SENP1: variants seen among roughly 807,000 people sequenced by gnomAD.
The protein encoded by SENP1 is SUMO specific peptidase 1, also known as sentrin-specific protease 1.
A neutral mutation model predicts 93.0 loss-of-function variants in SENP1; 21 were observed. That is an observed-to-expected ratio of 0.23 (90% CI 0.16 to 0.33). The LOEUF is 0.33. Ranked by LOEUF, SENP1 falls within the 10% of genes least tolerant of loss-of-function variation. The probability of loss-of-function intolerance (pLI) is 1.00; values close to 1 mark genes in which losing one functional copy is unlikely to be tolerated. For missense variants in SENP1, 591 were observed against 758.7 expected, an observed-to-expected ratio of 0.78 and a Z score of 2.60; for synonymous variants, 256 against 259.6, an observed-to-expected ratio of 0.99 and a Z score of 0.13.
At chr12:48,088,531 C>T (rs565811035) in intron 5 of SENP1, 3 of 396,208 alleles carry the variant, frequency 7.6e-6, no homozygotes, top group East Asian at 1.1e-4. Context: ...TTTGCAAGAG[C>T]CATATTGATC....
chr12:48,092,218 A>G (rs1338188853), intron 4 of SENP1, among the ~76,000 whole-genome samples: 4 of 152,102 alleles, frequency 2.6e-5, no homozygotes, highest in Admixed American at 6.6e-5. Context: ...ACAAATACCA[A>G]TAAAGTCAGG....
chr12:48,067,596 AAAG>A (rs747661574), intron 9 of SENP1, among the ~76,000 whole-genome samples: 5 of 152,338 alleles, frequency 3.3e-5, no homozygotes, highest in African/African-American at 1.2e-4. Flanking sequence ...ACAGAAACAC[AAAG>A]AAGAAGAGTG....
chr12:48,096,510 C>T, intron 3 of SENP1, 83 bp from the exon 4 acceptor site: 1 of 797,664 alleles, frequency 1.3e-6, no homozygotes, highest in Non-Finnish European at 2.1e-6. Flanking sequence ...GGCTGGAGTA[C>T]ACCGGCACAA....
At chr12:48,056,020 CTT>C (rs1314740752) in intron 13 of SENP1, among the ~76,000 whole-genome samples, 4 of 124,846 alleles carry the variant, frequency 3.2e-5, no homozygotes, top group Non-Finnish European at 6.2e-5. Context: ...TAATATATAA[CTT>C]AATATACTTA....
intron 8 of SENP1, among the ~76,000 whole-genome samples, chr12:48,073,619 T>A (rs1943869759): frequency 6.6e-6 from 1 of 152,202 alleles, no homozygotes; most frequent in Non-Finnish European, 1.5e-5. Flanking sequence ...AAAACCTTAA[T>A]TAACTGGAAT....
chr12:48,056,988 A>T (rs1592316738), intron 13 of SENP1, among the ~76,000 whole-genome samples: 1 of 41,798 alleles, frequency 2.4e-5, no homozygotes, highest in Admixed American at 4.6e-4. Flanking sequence ...TTACATATAT[A>T]AATATATTAT....
chr12:48,103,895 A>G lies in SENP1; in HGVS notation c.-45+2133T>C, dbSNP rs145594857. Among the ~76,000 whole-genome samples, 31 of 152,276 alleles carry G rather than the reference A, an allele frequency of 2.0e-4. 1 individual carries two copies. In the East Asian group the frequency reaches 5.8e-3, roughly 28 times the overall value. On this transcript the variant is annotated intron_variant, in intron 1 of 17. Coordinates refer to ENST00000549518, the MANE Select transcript of SENP1 (RefSeq NM_001267594.2). ...AAGGGGATTATGAAAGACAATGTCT[A>G]GGGCTGCAAGGAAGTTACTAGAAAA...
At chr12:48,047,955 A>T in intron 15 of SENP1, 46 bp downstream of exon 15, 1 of 1,255,812 alleles carries the variant, frequency 8.0e-7, no homozygotes, top group Non-Finnish European at 1.2e-6. Flanking sequence ...GAAAAACACC[A>T]CCTATACCCG....
chr12:48,079,191 T>A (rs1165465491), intron 6 of SENP1, among the ~76,000 whole-genome samples: 5 of 151,742 alleles, frequency 3.3e-5, no homozygotes, highest in African/African-American at 9.7e-5. Context: ...AAGCCCTAAC[T>A]GTTCTTTACT....
chr12:48,057,941 CTTTTT>C (rs370210767), intron 13 of SENP1, among the ~76,000 whole-genome samples: 38 of 85,680 alleles, frequency 4.4e-4, no homozygotes, highest in African/African-American at 1.8e-3. Context: ...TTTATTTCCT[CTTTTT>C]TTTTTTTTTT....
At chr12:48,055,016 T>C in intron 13 of SENP1, 1 of 224,360 alleles carries the variant, frequency 4.5e-6, no homozygotes, top group Non-Finnish European at 9.4e-6. Flanking sequence ...GTGTAGGTGT[T>C]GTTCCTGCAA....
intron 2 of SENP1, chr12:48,098,988 A>C (rs903385479): frequency 6.6e-6 from 1 of 152,182 alleles, no homozygotes; most frequent in Non-Finnish European, 1.5e-5. Flanking sequence ...CAAACAGTTC[A>C]AAACTTGTAC....
At chr12:48,079,295 C>T (rs1014920739) in intron 6 of SENP1, among the ~76,000 whole-genome samples, 15 of 151,944 alleles carry the variant, frequency 9.9e-5, no homozygotes, top group Admixed American at 4.6e-4. Flanking sequence ...GTCAGTAGAT[C>T]GAGACCATCC....
rs772612036 is a variant in SENP1, at chr12:48,065,218, T to C, written c.1122A>G (p.Arg374=). 4 of 1,586,390 alleles carry C rather than the reference T, an allele frequency of 2.5e-6. No individual in the cohort carries two copies. The highest frequency in any genetic ancestry group is 1.3e-5 in the African/African-American group (1 of 74,168). Residue 374 remains arginine (R), a splice_region_variant and synonymous_variant, in exon 12 of 18, where the codon AGA becomes AGG. Coordinates refer to ENST00000549518, the MANE Select transcript of SENP1 (RefSeq NM_001267594.2). Reference sequence around the variant, plus strand: ...GTACTGAATGTTCCCGCTCCTGCAATCTCTGAAAGATAAAACTTCAGAGTA... The same window carrying C: ...GTACTGAATGTTCCCGCTCCTGCAACCTCTGAAAGATAAAACTTCAGAGTA... ...KALALQLQNQ[R]LQEREHSVHD...
intron 6 of SENP1, among the ~76,000 whole-genome samples, chr12:48,076,407 C>T (rs1944085322): frequency 6.6e-6 from 1 of 152,220 alleles, no homozygotes; most frequent in South Asian, 2.1e-4. Flanking sequence ...TCACTGCAAC[C>T]TCCACCTCCT....
At chr12:48,088,516 T>C in intron 5 of SENP1, 1 of 367,310 alleles carries the variant, frequency 2.7e-6, no homozygotes, top group Non-Finnish European at 4.9e-6. Context: ...ATTTTCACTT[T>C]AAGATTTGCA....
chr12:48,076,469 T>G (rs1030648205), intron 6 of SENP1, among the ~76,000 whole-genome samples: 1 of 150,748 alleles, frequency 6.6e-6, no homozygotes, highest in African/African-American at 2.4e-5. Context: ...GGACTACAGG[T>G]GCACGCCACC....
At position 48,043,240 on chromosome 12, in the gene SENP1, G is replaced by A. The variant is rs1265434922; in HGVS notation, c.*2082C>T. The A allele has an allele frequency of 6.6e-6, 1 of 152,584 alleles. No individual in the cohort carries two copies. Among genetic ancestry groups the A allele is most frequent in the Non-Finnish European group, 1.5e-5 (1 of 68,034 alleles). The allele number at this position is 152,584 out of a possible 1,614,324, so 9.5% of individuals were successfully genotyped here. A position where few individuals can be genotyped will look rare whatever the true frequency, so the allele number is the denominator to read the frequency against. On this transcript the variant is annotated 3_prime_UTR_variant, in exon 18 of 18. Transcript: ENST00000549518. ...ATATATTTTTCAAAGTGCTTTTGTT[G>A]CATGTTTCATTTTCTGCTATACATG...
At chr12:48,105,407 G>C (rs565431650) in intron 1 of SENP1, 2 of 518,940 alleles carry the variant, frequency 3.9e-6, no homozygotes, top group African/African-American at 3.8e-5. Context: ...ATTACCAGGA[G>C]GCGATGAGCC....
Sources: allele counts gnomAD v4.1 joint callset (sites outside exome capture counted in the v4.1 genomes callset), GRCh38; gene constraint gnomAD v4.1.1; transcripts MANE v1.5; gene names NCBI Gene and HGNC (gene_info 2026-07-23, HGNC 2026-07-21).